C4orf36: variants seen among roughly 807,000 people sequenced by gnomAD.
C4orf36 encodes chromosome 4 open reading frame 36, also known as uncharacterized protein C4orf36.
In C4orf36, 11 loss-of-function variants were observed where a neutral mutation model predicts 12.2. The ratio of observed to expected loss-of-function variants is 0.90; its 90% confidence interval spans 0.57 to 1.49. The LOEUF (loss-of-function observed/expected upper bound fraction) is 1.49, where lower values mean the gene tolerates loss of function less well. C4orf36 is among the 40% of genes most tolerant of loss of function. The pLI is 0.00. For missense variants in C4orf36, 137 were observed against 133.9 expected (o/e 1.02, Z -0.11); for synonymous variants, 54 against 51.3 (o/e 1.05, Z -0.22).
chr4:86,919,425 T>TGA, the C4orf36 span, among the ~76,000 whole-genome samples: 1 of 148,422 alleles, frequency 6.7e-6, no homozygotes, highest in African/African-American at 2.5e-5. Context: ...TGGGTTCAAG[T>TGA]GATTCTCCTG....
chr4:86,922,750 A>G, the C4orf36 span, among the ~76,000 whole-genome samples: 1 of 152,096 alleles, frequency 6.6e-6, no homozygotes, highest in East Asian at 1.9e-4. Context: ...CACCACCTCT[A>G]TCTGCAGCAC....
chr4:86,913,825 C>CTTT, the C4orf36 span: 15,302 of 594,734 alleles, frequency 0.026, 3 homozygotes, highest in South Asian at 0.057. Flanking sequence ...TTTTCATCCA[C>CTTT]TTTTTTTTTT....
upstream of C4orf36, among the ~76,000 whole-genome samples, chr4:86,894,126 T>A (rs1747538286): frequency 6.6e-6 from 1 of 152,128 alleles, no homozygotes; most frequent in South Asian, 2.1e-4. Context: ...CTAGAGCTCC[T>A]GACCTCGTGA....
chr4:86,909,396 T>C, the C4orf36 span, among the ~76,000 whole-genome samples: 3 of 152,104 alleles, frequency 2.0e-5, no homozygotes, highest in Non-Finnish European at 2.9e-5. Context: ...AGCACTAGAA[T>C]TTTCCTACAT....
At chr4:86,918,870 C>T in the C4orf36 span, among the ~76,000 whole-genome samples, 1 of 152,068 alleles carries the variant, frequency 6.6e-6, no homozygotes, top group South Asian at 2.1e-4. Flanking sequence ...GAGGAATTGG[C>T]TCACATGATT....
the C4orf36 span, among the ~76,000 whole-genome samples, chr4:86,908,168 T>TACACACACACACAC: frequency 2.1e-5 from 3 of 140,882 alleles, no homozygotes; most frequent in East Asian, 2.3e-4. Context: ...ACTTTCAACA[T>TACACACACACACAC]ACACACACAC....
the C4orf36 span, among the ~76,000 whole-genome samples, chr4:86,920,177 A>T: frequency 6.6e-6 from 1 of 152,186 alleles, no homozygotes; most frequent in South Asian, 2.1e-4. Context: ...CCGGTTTCCA[A>T]GAAGGTATTC....
At chr4:86,933,064 T>C in the C4orf36 span, 4 of 152,176 alleles carry the variant, frequency 2.6e-5, no homozygotes, top group African/African-American at 9.7e-5. Context: ...AGATATAGTG[T>C]AATCACTTTT....
In C4orf36 at chr4:86,880,955, C is replaced by G. The variant is rs565404925; in HGVS notation, c.*3-4512G>C. Among the ~76,000 whole-genome samples the G allele has an allele frequency of 8.6e-5, 13 of 151,350 alleles. No homozygotes were observed. The East Asian group carries it at 2.5e-3, about 29-fold the overall frequency. ...GGCTGAGGCAGGAAAATTGCATGAA[C>G]CCAGGAGGTGGAGGTTGCAGTGAGC... On this transcript the variant is annotated intron_variant, in intron 4 of 4. Coordinates refer to ENST00000295898, the MANE Select transcript of C4orf36 (RefSeq NM_144645.4).
chr4:86,887,809 AG>A lies in C4orf36; in HGVS notation c.304del (p.Leu102SerfsTer2). ...QENTSKEIQL[L>X]LRERPAGLRR... ...CAAACCGGCTGGCCTTTCCCTCAGG[AG>A]AAGCTGAATTTCCTTAGATGTATTT... On this transcript the variant is annotated frameshift_variant, in exon 4 of 5. Coordinates refer to ENST00000295898, the MANE Select transcript of C4orf36 (RefSeq NM_144645.4). LOFTEE classifies it high-confidence loss of function. 1 of 1,614,254 alleles carries A rather than the reference AG, an allele frequency of 6.2e-7. No individual in the cohort carries two copies. Among genetic ancestry groups the A allele is most frequent in the Non-Finnish European group, 8.5e-7 (1 of 1,180,046 alleles).
the C4orf36 span, among the ~76,000 whole-genome samples, chr4:86,911,636 A>C: frequency 6.6e-6 from 1 of 152,178 alleles, no homozygotes; most frequent in South Asian, 2.1e-4. Flanking sequence ...GAGTGCTCAC[A>C]ACATGCCAGA....
At chr4:86,901,313 C>T in the C4orf36 span, among the ~76,000 whole-genome samples, 445 of 151,912 alleles carry the variant, frequency 2.9e-3, 1 homozygote, top group African/African-American at 0.01. Context: ...AGAAAACAAC[C>T]GAAGTCCTCA....
chr4:86,888,904 T>C (rs1472092794), intron 2 of C4orf36, among the ~76,000 whole-genome samples: 3 of 152,212 alleles, frequency 2.0e-5, no homozygotes, highest in Admixed American at 2.0e-4. Context: ...CACCCCTTTG[T>C]TTACCTGTTC....
chr4:86,898,769 T>G, the C4orf36 span, among the ~76,000 whole-genome samples: 49 of 152,000 alleles, frequency 3.2e-4, no homozygotes, highest in Middle Eastern at 3.4e-3. Flanking sequence ...TGATCGCACC[T>G]GTGAACAGCC....
intron 4 of C4orf36, among the ~76,000 whole-genome samples, chr4:86,877,123 T>A (rs1314920394): frequency 6.6e-6 from 1 of 152,186 alleles, no homozygotes; most frequent in Non-Finnish European, 1.5e-5. Context: ...CTTTTCACAG[T>A]CCAAAACATA....
the C4orf36 span, among the ~76,000 whole-genome samples, chr4:86,909,777 C>T: frequency 6.6e-6 from 1 of 151,602 alleles, no homozygotes; most frequent in African/African-American, 2.4e-5. Context: ...TAAATAAAAC[C>T]TAGCGATACA....
the C4orf36 span, among the ~76,000 whole-genome samples, chr4:86,928,194 G>A: frequency 6.6e-6 from 1 of 152,220 alleles, no homozygotes; most frequent in Non-Finnish European, 1.5e-5. Flanking sequence ...AATACTGAAA[G>A]ACCCAAAAGG....
intron 2 of C4orf36, chr4:86,890,296 G>A (rs974541214): frequency 1.6e-5 from 6 of 374,300 alleles, no homozygotes; most frequent in Non-Finnish European, 2.7e-5. Context: ...TTGTGAAGTT[G>A]GGATCTGAAC....
At chr4:86,914,339 G>A in the C4orf36 span, 1 of 1,479,414 alleles carries the variant, frequency 6.8e-7, no homozygotes, top group Admixed American at 1.7e-5. Context: ...TATGTCCGTT[G>A]TGCTCCTTGA....
Sources: gnomAD v4.1 joint callset for allele counts (sites outside exome capture counted in the v4.1 genomes callset) on GRCh38, gnomAD v4.1.1 for gene constraint, MANE v1.5 for transcripts, NCBI Gene and HGNC (gene_info 2026-07-23, HGNC 2026-07-21) for gene names.